The following MARCHF1 variants were observed in gnomAD, a reference collection of about 807,000 sequenced individuals.
MARCHF1 encodes membrane associated ring-CH-type finger 1, also known as E3 ubiquitin-protein ligase MARCHF1.
Under a neutral mutation model 54.2 loss-of-function variants are expected in MARCHF1, and 40 were observed. The ratio of observed to expected loss-of-function variants is 0.74; its 90% CI spans 0.57 to 0.96. MARCHF1 has a LOEUF of 0.96. Among genes scored for constraint, MARCHF1 ranks in the 40% least tolerant of loss-of-function variants. The pLI, the probability that MARCHF1 is intolerant of heterozygous loss-of-function variation, is 0.00. For missense variants in MARCHF1, 586 were observed against 656.5 expected, an observed-to-expected ratio of 0.89 and a Z score of 1.17; for synonymous variants, 236 against 236.3, an observed-to-expected ratio of 1.00 and a Z score of 0.01.
chr4:164,361,292 CT>C (rs1730716658), intron 1 of MARCHF1, among the ~76,000 whole-genome samples: 1 of 152,038 alleles, frequency 6.6e-6, no homozygotes, highest in Non-Finnish European at 1.5e-5. Context: ...TACAAGAATC[CT>C]TATTCTTTTT....
Position 163,863,307 on chromosome 4 carries a change from T to A in MARCHF1, c.-38-9138A>T, listed in dbSNP as rs1286960702. ...TAAGCTAAGTACCTTTAGAAAGGAG[T>A]GCAGTCTGAAAGGTTAAAGGCAAAA... On this transcript the variant is annotated intron_variant, in intron 3 of 9. Coordinates refer to ENST00000514618, the MANE Select transcript of MARCHF1 (RefSeq NM_001394959.1). Among the ~76,000 whole-genome samples, 6 of 151,850 alleles carry A rather than the reference T, an allele frequency of 4.0e-5. No individual in the cohort carries two copies. In the South Asian group the frequency reaches 1.2e-3, roughly 31 times the overall value.
At chr4:163,756,631 CAAAAAAAA>C (rs67382228) in intron 4 of MARCHF1, among the ~76,000 whole-genome samples, 1 of 67,582 alleles carries the variant, frequency 1.5e-5, no homozygotes, top group Non-Finnish European at 2.4e-5. Flanking sequence ...GACTCTGTCT[CAAAAAAAA>C]AAAAAAAAAA....
At chr4:164,109,609 A>G (rs980129664) in intron 2 of MARCHF1, among the ~76,000 whole-genome samples, 1 of 151,566 alleles carries the variant, frequency 6.6e-6, no homozygotes, top group Non-Finnish European at 1.5e-5. Context: ...CCTTTCCCAC[A>G]TATTCCAGAT....
At chr4:163,976,034 A>G (rs919407628) in intron 3 of MARCHF1, among the ~76,000 whole-genome samples, 5 of 152,176 alleles carry the variant, frequency 3.3e-5, no homozygotes, top group African/African-American at 9.6e-5. Context: ...AAAAAAATAA[A>G]ACATTAAACA....
At chr4:163,747,299 A>G (rs949391763) in intron 4 of MARCHF1, among the ~76,000 whole-genome samples, 2 of 152,204 alleles carry the variant, frequency 1.3e-5, no homozygotes, top group African/African-American at 4.8e-5. Flanking sequence ...AATTTATTGT[A>G]AAGTGATCCC....
intron 1 of MARCHF1, chr4:164,197,079 G>A (rs1299889512): frequency 1.2e-6 from 2 of 1,605,686 alleles, no homozygotes; most frequent in East Asian, 2.2e-5. Flanking sequence ...CCTCTCCATC[G>A]TTATAACCTT....
chr4:164,364,517 A>C (rs1472716732), intron 1 of MARCHF1, among the ~76,000 whole-genome samples: 1 of 152,052 alleles, frequency 6.6e-6, no homozygotes, highest in Non-Finnish European at 1.5e-5. Flanking sequence ...TTTTGTGCTC[A>C]TATTTAACGT....
chr4:163,578,869 A>G (rs920918275), intron 8 of MARCHF1, among the ~76,000 whole-genome samples: 1 of 152,158 alleles, frequency 6.6e-6, no homozygotes, highest in African/African-American at 2.4e-5. Flanking sequence ...TAATACAGTA[A>G]GTTGAGAGAA....
intron 8 of MARCHF1, among the ~76,000 whole-genome samples, chr4:163,552,727 A>G (rs1560937715): frequency 6.6e-6 from 1 of 152,138 alleles, no homozygotes; most frequent in African/African-American, 2.4e-5. Flanking sequence ...TGATCCAACA[A>G]GTGTTTAAGA....
At chr4:164,203,657 A>G (rs908056197) in intron 1 of MARCHF1, among the ~76,000 whole-genome samples, 7 of 152,210 alleles carry the variant, frequency 4.6e-5, no homozygotes, top group African/African-American at 1.7e-4. Flanking sequence ...AACATCCAGA[A>G]TAATGTTTGA....
intron 8 of MARCHF1, among the ~76,000 whole-genome samples, chr4:163,559,835 C>A (rs145346754): frequency 6.6e-6 from 1 of 152,290 alleles, no homozygotes; most frequent in Non-Finnish European, 1.5e-5. Context: ...TTCTACAATG[C>A]CTCAGGACAT....
intron 4 of MARCHF1, among the ~76,000 whole-genome samples, chr4:163,721,215 T>C (rs1745445478): frequency 6.6e-6 from 1 of 152,210 alleles, no homozygotes; most frequent in Admixed American, 6.5e-5. Flanking sequence ...CAATACCTAA[T>C]TTATTGAGAG....
At chr4:164,238,927 G>T (rs1242687163) in intron 1 of MARCHF1, among the ~76,000 whole-genome samples, 12 of 151,808 alleles carry the variant, frequency 7.9e-5, no homozygotes, top group Admixed American at 7.9e-4. Flanking sequence ...TGGATAATTG[G>T]AGACCCTGAT....
chr4:163,891,046 T>G (rs1416654703), intron 3 of MARCHF1, among the ~76,000 whole-genome samples: 2 of 152,088 alleles, frequency 1.3e-5, no homozygotes, highest in African/African-American at 2.4e-5. Context: ...AACCTAAATT[T>G]CAAACACCAG....
chr4:164,321,083 C>T (rs559362490), intron 1 of MARCHF1, among the ~76,000 whole-genome samples: 5 of 152,058 alleles, frequency 3.3e-5, no homozygotes, highest in East Asian at 1.9e-4. Flanking sequence ...ACTCCAACAG[C>T]GAGGATTTTT....
intron 4 of MARCHF1, among the ~76,000 whole-genome samples, chr4:163,770,521 AACAC>A (rs36201521): frequency 0.03 from 4,408 of 147,198 alleles, 161 homozygotes; most frequent in African/African-American, 0.089. Flanking sequence ...TCCCTCACTG[AACAC>A]ACACACACAC....
At chr4:164,348,720 A>G (rs999060335) in intron 1 of MARCHF1, among the ~76,000 whole-genome samples, 2 of 152,214 alleles carry the variant, frequency 1.3e-5, no homozygotes, top group African/African-American at 2.4e-5. Context: ...CAAAGGAAAC[A>G]GGAGACACTA....
chr4:163,840,998 A>C (rs1190704919), intron 4 of MARCHF1, among the ~76,000 whole-genome samples: 1 of 152,052 alleles, frequency 6.6e-6, no homozygotes, highest in Non-Finnish European at 1.5e-5. Context: ...TCTGTACTGC[A>C]TTTACCTTTG....
intron 3 of MARCHF1, among the ~76,000 whole-genome samples, chr4:163,915,469 A>G (rs1751287247): frequency 6.6e-6 from 1 of 152,188 alleles, no homozygotes; most frequent in Admixed American, 6.6e-5. Flanking sequence ...TGAAAACTAA[A>G]TGTAATATGG....
Sources: allele counts gnomAD v4.1 joint callset (sites outside exome capture counted in the v4.1 genomes callset), GRCh38; gene constraint gnomAD v4.1.1; transcripts MANE v1.5; gene names NCBI Gene and HGNC (gene_info 2026-07-23, HGNC 2026-07-21).